The following TACR1 variants were observed in gnomAD, a reference collection of about 807,000 sequenced individuals.
TACR1 encodes tachykinin receptor 1.
In TACR1, 25 loss-of-function variants were observed where a neutral mutation model predicts 35.8. The ratio of observed to expected loss-of-function variants is 0.70; its 90% CI spans 0.51 to 0.98. TACR1 has a LOEUF of 0.98. Ranked by LOEUF, TACR1 falls within the 50% of genes least tolerant of loss-of-function variation. The probability of loss-of-function intolerance (pLI) is 0.00; values close to 1 mark genes in which losing one functional copy is unlikely to be tolerated. For synonymous variants in TACR1, 195 were observed against 206.7 expected (o/e 0.94, Z 0.48); for missense variants, 478 against 522.9 (o/e 0.91, Z 0.84).
rs192662792 is a variant in TACR1 at position 75,049,999 on chromosome 2, C to T, written c.933-276G>A. On this transcript the variant is annotated intron_variant, in intron 4 of 4. Coordinates refer to ENST00000305249, the MANE Select transcript of TACR1 (RefSeq NM_001058.4). ...GTGGCCCTGAACTATGCTGTCTCCC[C>T]TCACATGGGGTCAGCAGACTTTGAG... Among the ~76,000 whole-genome samples the T allele has an allele frequency of 6.0e-4, 91 of 152,346 alleles. 1 individual carries two copies. The highest frequency in any genetic ancestry group is 6.9e-4 in the Non-Finnish European group (47 of 68,028).
intron 1 of TACR1, among the ~76,000 whole-genome samples, chr2:75,167,275 G>A (rs1675168061): frequency 6.6e-6 from 1 of 152,156 alleles, no homozygotes; most frequent in Non-Finnish European, 1.5e-5. Context: ...CTTGGACCAT[G>A]ACTTAATGAT....
intron 2 of TACR1, among the ~76,000 whole-genome samples, chr2:75,089,691 G>A (rs1025530478): frequency 3.3e-5 from 5 of 152,102 alleles, no homozygotes; most frequent in East Asian, 3.8e-4. Flanking sequence ...CACATGGTGC[G>A]CTGGTGGCAG....
intron 1 of TACR1, among the ~76,000 whole-genome samples, chr2:75,182,435 C>T (rs530897620): frequency 6.6e-6 from 1 of 152,200 alleles, no homozygotes; most frequent in Non-Finnish European, 1.5e-5. Context: ...AACTCCCGCT[C>T]TTCCTTTAGA....
chr2:75,119,252 G>T (rs1030995882), intron 2 of TACR1, among the ~76,000 whole-genome samples: 1 of 152,144 alleles, frequency 6.6e-6, no homozygotes, highest in Admixed American at 6.5e-5. Context: ...TAGCTTACAA[G>T]GTGAGAATAC....
chr2:75,154,709 CCTAA>C (rs1674801488), intron 1 of TACR1: 1 of 152,770 alleles, frequency 6.5e-6, no homozygotes, highest in African/African-American at 2.4e-5. Context: ...GCTGGAGTCT[CCTAA>C]CTGTCTTGTC....
rs1673947221 is a variant in TACR1, at chr2:75,120,575, C to G, written c.583G>C (p.Val195Leu). ...GCATGGGGAGTCATCTCTACTCACA[C>G]TTTCTCATAAATCTTGTTCGGATGC... The part of the protein sequence containing the change: ...PEHPNKIYEK[V>L]YHICVTVLIY... The change falls in exon 2 of 5, where the codon GTG becomes CTG. Residue 195 changes from valine (V) to leucine (L), a missense_variant and splice_region_variant. Physicochemically the swap from Val to Leu is conservative, Grantham distance 32. Coordinates refer to ENST00000305249, the MANE Select transcript of TACR1 (RefSeq NM_001058.4). 2 of 1,597,470 alleles carry G rather than the reference C, an allele frequency of 1.3e-6. No individual in the cohort carries two copies. Among genetic ancestry groups the G allele is most frequent in the East Asian group, 2.3e-5 (1 of 44,398 alleles).
intron 2 of TACR1, among the ~76,000 whole-genome samples, chr2:75,098,235 G>A (rs1021262410): frequency 1.3e-5 from 2 of 152,076 alleles, no homozygotes; most frequent in African/African-American, 4.8e-5. Context: ...ATTGCTTTTA[G>A]TGCTTAGTTT....
chr2:75,046,872 G>T lies in TACR1; in HGVS notation c.*2560C>A, dbSNP rs1014217955. ...TTTTGGAAGTCACGTAACAAAGATG[G>T]TTCCTTGATATTTCATATTCTATTA... On this transcript the variant is annotated 3_prime_UTR_variant, in exon 5 of 5. Transcript: ENST00000305249. The T allele has an allele frequency of 1.3e-5, 2 of 152,180 alleles. No homozygotes were observed. The highest frequency in any genetic ancestry group is 4.8e-5 in the African/African-American group (2 of 41,440). The allele number at this position is 152,180 out of a possible 1,614,324, so 9.4% of individuals were successfully genotyped here.
chr2:75,167,329 A>C (rs1248059372), intron 1 of TACR1, among the ~76,000 whole-genome samples: 1 of 152,228 alleles, frequency 6.6e-6, no homozygotes, highest in Non-Finnish European at 1.5e-5. Context: ...TGGGCCCAAT[A>C]GATCAGAAAC....
At chr2:75,141,682 A>C (rs547289035) in intron 1 of TACR1, among the ~76,000 whole-genome samples, 1 of 152,356 alleles carries the variant, frequency 6.6e-6, no homozygotes, top group South Asian at 2.1e-4. Flanking sequence ...ATTGGGTACT[A>C]GGAATAAATA....
At chr2:75,146,205 C>G (rs1462685615) in intron 1 of TACR1, among the ~76,000 whole-genome samples, 2 of 152,156 alleles carry the variant, frequency 1.3e-5, no homozygotes. Flanking sequence ...TCACTGCAAC[C>G]TCCACGTCCC....
chr2:75,154,450 A>ACACACACACACACT (rs1362786009), intron 1 of TACR1: 1 of 89,126 alleles, frequency 1.1e-5, no homozygotes, highest in African/African-American at 4.4e-5. Flanking sequence ...ACACACACAC[A>ACACACACACACACT]CTCTGAAGAA....
intron 1 of TACR1, among the ~76,000 whole-genome samples, chr2:75,125,019 G>A (rs562811211): frequency 6.6e-6 from 1 of 152,228 alleles, no homozygotes; most frequent in African/African-American, 2.4e-5. Context: ...TTTCCTCCTC[G>A]ATCCCTTCCT....
chr2:75,137,363 G>A (rs1674312715), intron 1 of TACR1, among the ~76,000 whole-genome samples: 1 of 152,178 alleles, frequency 6.6e-6, no homozygotes, highest in Non-Finnish European at 1.5e-5. Flanking sequence ...CATATAGGTA[G>A]AGTGGTCACG....
chr2:75,056,238 G>A (rs1672566112), intron 2 of TACR1, among the ~76,000 whole-genome samples: 1 of 152,192 alleles, frequency 6.6e-6, no homozygotes, highest in African/African-American at 2.4e-5. Context: ...CTCAGGGAGG[G>A]ACTGTTTCAG....
rs756447747 is a variant in TACR1, at chr2:75,120,562, A to G, written c.584+12T>C. 1.5e-5 allele frequency: 23 copies of G among 1,580,186 alleles called. No homozygotes were observed. In the East Asian group the frequency reaches 3.2e-4, roughly 22 times the overall value. On this transcript the variant is annotated intron_variant, in intron 2 of 4. Transcript: ENST00000305249. ...CATCGTTTCTTTGGCATGGGGAGTC[A>G]TCTCTACTCACACTTTCTCATAAAT... is the stretch of plus-strand genomic sequence containing the variant.
chr2:75,152,576 A>G (rs1446034777), intron 1 of TACR1, among the ~76,000 whole-genome samples: 2 of 152,216 alleles, frequency 1.3e-5, no homozygotes, highest in Admixed American at 1.3e-4. Flanking sequence ...CTTTATCAGA[A>G]GTGTGAAAAT....
rs765041152 is a variant in TACR1 at position 75,198,918 on chromosome 2, G to C, written c.17C>G (p.Pro6Arg). 1 of 1,613,412 alleles carries C rather than the reference G, an allele frequency of 6.2e-7. No individual in the cohort carries two copies. The highest frequency in any genetic ancestry group is 2.2e-5 in the East Asian group (1 of 44,860). ...GTTTGGGGAGAGGTCTGAGTCCACC[G>C]GGAGGACGTTATCCATTTCGAAGCT... MDNVL[P>R]VDSDLSPNIS... The change falls in exon 1 of 5, where the codon CCG becomes CGG. Residue 6 changes from proline to arginine, a missense_variant. Transcript: ENST00000305249.
At chr2:75,116,011 T>C (rs1374271075) in intron 2 of TACR1, among the ~76,000 whole-genome samples, 6 of 150,870 alleles carry the variant, frequency 4.0e-5, no homozygotes, top group Admixed American at 1.3e-4. Flanking sequence ...GTGTGCATAA[T>C]AGGCTATATT....
Sources: gnomAD v4.1 joint callset for allele counts (sites outside exome capture counted in the v4.1 genomes callset) on GRCh38, gnomAD v4.1.1 for gene constraint, MANE v1.5 for transcripts, NCBI Gene and HGNC (gene_info 2026-07-23, HGNC 2026-07-21) for gene names.